The following ABTB3 variants were observed in gnomAD, a reference collection of about 807,000 sequenced individuals.
ABTB3 encodes the protein ankyrin repeat and BTB domain containing 3, also known as ankyrin repeat- and BTB/POZ domain-containing protein 3.
the ABTB3 span, among the ~76,000 whole-genome samples, chr12:107,616,302 C>T: frequency 3.9e-5 from 6 of 152,178 alleles, no homozygotes; most frequent in Non-Finnish European, 1.5e-5. Flanking sequence ...CCAGCGATCA[C>T]GGAGTGCCAA....
At chr12:107,339,287 C>T in the ABTB3 span, among the ~76,000 whole-genome samples, 5 of 152,268 alleles carry the variant, frequency 3.3e-5, no homozygotes, top group East Asian at 5.8e-4. Context: ...CCACATGCCT[C>T]GGCTCAGCTA....
the ABTB3 span, among the ~76,000 whole-genome samples, chr12:107,469,902 C>CT: frequency 1.9e-5 from 2 of 106,110 alleles, no homozygotes; most frequent in Middle Eastern, 9.8e-3. Context: ...TTCTTTCTTT[C>CT]TTTCTTTCTT....
At chr12:107,621,073 T>C in the ABTB3 span, among the ~76,000 whole-genome samples, 1 of 152,156 alleles carries the variant, frequency 6.6e-6, no homozygotes, top group Admixed American at 6.6e-5. Flanking sequence ...ATGGGGCTGC[T>C]TCCTCCACAC....
the ABTB3 span, among the ~76,000 whole-genome samples, chr12:107,417,397 C>G: frequency 6.6e-6 from 1 of 152,216 alleles, no homozygotes; most frequent in African/African-American, 2.4e-5. Context: ...CTCTGTTTCT[C>G]ATCTGCCTTC....
the ABTB3 span, among the ~76,000 whole-genome samples, chr12:107,542,533 C>T: frequency 8.5e-5 from 13 of 152,142 alleles, no homozygotes; most frequent in South Asian, 4.2e-4. Flanking sequence ...ACACCTGTTA[C>T]GTATAAAAAG....
the ABTB3 span, among the ~76,000 whole-genome samples, chr12:107,572,132 A>G: frequency 6.6e-6 from 1 of 152,144 alleles, no homozygotes; most frequent in Non-Finnish European, 1.5e-5. Context: ...TGGGCCCTAC[A>G]TCTCATCACA....
At chr12:107,502,675 C>A in the ABTB3 span, among the ~76,000 whole-genome samples, 1 of 152,084 alleles carries the variant, frequency 6.6e-6, no homozygotes, top group South Asian at 2.1e-4. Context: ...AGCGGGCGAG[C>A]GAGCATTACC....
chr12:107,648,970 T>A, the ABTB3 span, among the ~76,000 whole-genome samples: 1 of 151,962 alleles, frequency 6.6e-6, no homozygotes, highest in Non-Finnish European at 1.5e-5. Context: ...TGGGAAAACA[T>A]ATGGAGACAA....
chr12:107,497,531 A>G, the ABTB3 span, among the ~76,000 whole-genome samples: 1 of 150,614 alleles, frequency 6.6e-6, no homozygotes, highest in Non-Finnish European at 1.5e-5. Flanking sequence ...CACCACCATC[A>G]TCCCACAACC....
At chr12:107,609,558 A>C in the ABTB3 span, among the ~76,000 whole-genome samples, 1 of 152,214 alleles carries the variant, frequency 6.6e-6, no homozygotes, top group South Asian at 2.1e-4. Flanking sequence ...GTCTGTGTTC[A>C]TTCAGCTCCC....
chr12:107,653,820 T>C, the ABTB3 span, among the ~76,000 whole-genome samples: 1 of 152,378 alleles, frequency 6.6e-6, no homozygotes, highest in Non-Finnish European at 1.5e-5. Flanking sequence ...TTAACCATTT[T>C]TAAGTATACA....
chr12:107,500,889 G>C, the ABTB3 span, among the ~76,000 whole-genome samples: 2 of 152,122 alleles, frequency 1.3e-5, no homozygotes, highest in Non-Finnish European at 2.9e-5. Context: ...ATTAATCTTA[G>C]AATAAAATCT....
the ABTB3 span, among the ~76,000 whole-genome samples, chr12:107,404,723 T>A: frequency 6.6e-6 from 1 of 152,146 alleles, no homozygotes; most frequent in African/African-American, 2.4e-5. Flanking sequence ...AGGCAGGTGC[T>A]TTTTCACTGC....
chr12:107,414,722 C>CTTT, the ABTB3 span, among the ~76,000 whole-genome samples: 2 of 139,936 alleles, frequency 1.4e-5, no homozygotes, highest in Non-Finnish European at 3.1e-5. Context: ...TTTTCTTTTT[C>CTTT]TTTTTTTTTT....
chr12:107,618,828 C>G, the ABTB3 span, among the ~76,000 whole-genome samples: 2 of 152,336 alleles, frequency 1.3e-5, no homozygotes, highest in Admixed American at 6.5e-5. Flanking sequence ...TTAGAGCACC[C>G]AACTCCACGA....
At chr12:107,485,844 C>T in the ABTB3 span, among the ~76,000 whole-genome samples, 1 of 152,158 alleles carries the variant, frequency 6.6e-6, no homozygotes, top group African/African-American at 2.4e-5. Flanking sequence ...CTATTTTACT[C>T]TCTTAAATGT....
chr12:107,385,450 G>A, the ABTB3 span, among the ~76,000 whole-genome samples: 1 of 152,228 alleles, frequency 6.6e-6, no homozygotes, highest in East Asian at 1.9e-4. Flanking sequence ...AGTGCCTGGT[G>A]TGGTCTCCCA....
At chr12:107,614,691 C>T in the ABTB3 span, among the ~76,000 whole-genome samples, 1 of 152,220 alleles carries the variant, frequency 6.6e-6, no homozygotes, top group Admixed American at 6.5e-5. Flanking sequence ...TCATCCATTA[C>T]TTCCTTTCAG....
chr12:107,352,146 T>A, the ABTB3 span, among the ~76,000 whole-genome samples: 1 of 152,128 alleles, frequency 6.6e-6, no homozygotes, highest in Admixed American at 6.5e-5. Flanking sequence ...GTTATGACAC[T>A]GGGTGAAGAG....
Sources: gnomAD v4.1 joint callset for allele counts (sites outside exome capture counted in the v4.1 genomes callset) on GRCh38, gnomAD v4.1.1 for gene constraint, MANE v1.5 for transcripts, NCBI Gene and HGNC (gene_info 2026-07-23, HGNC 2026-07-21) for gene names.